The following BBS4 variants were observed in gnomAD, a reference collection of about 807,000 sequenced individuals.
BBS4 encodes the protein BBSome complex member BBS4.
BBS4 carries 58 observed loss-of-function variants against 71.4 expected under a neutral mutation model. The observed-to-expected ratio is 0.81, with a 90% confidence interval of 0.66 to 1.01. The LOEUF (loss-of-function observed/expected upper bound fraction) is 1.01. BBS4 is among the 50% of genes least tolerant of loss of function. The pLI is 0.00. For missense variants in BBS4, 660 were observed against 607.9 expected, an observed-to-expected ratio of 1.09 and a Z score of -0.90; for synonymous variants, 228 against 216.8, an observed-to-expected ratio of 1.05 and a Z score of -0.46.
intron 1 of BBS4, among the ~76,000 whole-genome samples, chr15:72,694,337 C>T (rs953151267): frequency 3.3e-5 from 5 of 151,946 alleles, no homozygotes; most frequent in African/African-American, 1.2e-4. Flanking sequence ...ACTATAGGCA[C>T]GTGCCACCAT....
intron 6 of BBS4, 198 bp downstream of exon 6, chr15:72,717,048 C>G: frequency 1.7e-6 from 1 of 589,358 alleles, no homozygotes; most frequent in South Asian, 2.0e-5. Context: ...GCATGATTTT[C>G]TAGCAGTTTG....
intron 1 of BBS4, among the ~76,000 whole-genome samples, chr15:72,690,255 A>G (rs1046939479): frequency 2.6e-4 from 39 of 152,222 alleles, no homozygotes; most frequent in African/African-American, 9.2e-4. Context: ...GTGCCTATGT[A>G]TCAGGTGCTC....
At position 72,737,735 on chromosome 15, in the gene BBS4, T is replaced by C; in HGVS notation, c.*148T>C. On this transcript the variant is annotated 3_prime_UTR_variant, in exon 16 of 16. Transcript: ENST00000268057. Reference sequence around the variant, plus strand: ...GAGGAGCCAGCAGTTGAGCCTAAGGTCCTTCTACCTACCTGGTATTGGCAT... The same window carrying C: ...GAGGAGCCAGCAGTTGAGCCTAAGGCCCTTCTACCTACCTGGTATTGGCAT... 1 of 700,534 alleles carries C rather than the reference T, an allele frequency of 1.4e-6. No homozygotes were observed. The highest frequency in any genetic ancestry group is 2.5e-6 in the Non-Finnish European group (1 of 395,020). 43.4% of individuals were successfully genotyped at this position (700,534 alleles called of 1,614,324 possible). A position where few individuals can be genotyped will look rare whatever the true frequency, so the allele number is the denominator to read the frequency against.
intron 6 of BBS4, among the ~76,000 whole-genome samples, chr15:72,717,861 CGG>C (rs34400686): frequency 2.0e-5 from 3 of 151,996 alleles, no homozygotes. Context: ...GTGTGTGGTG[CGG>C]GGGGGTACAG....
rs12898814 is a variant in BBS4 at position 72,738,195 on chromosome 15, G to C, written c.*608G>C. On this transcript the variant is annotated 3_prime_UTR_variant, in exon 16 of 16. Transcript: ENST00000268057. ...CAGAACAAGTCCCTCCCTGTATTTT[G>C]TTCTTGAGAGGGGTCAGTCTAGAAG... 134 of 451,342 alleles carry C rather than the reference G, an allele frequency of 3.0e-4. No individual in the cohort carries two copies. The highest frequency in any genetic ancestry group is 1.7e-3 in the South Asian group (112 of 64,018). The allele number at this position is 451,342 out of a possible 1,614,324, so 28.0% of individuals were successfully genotyped here.
chr15:72,707,505 C>T (rs2065286343), intron 2 of BBS4, among the ~76,000 whole-genome samples: 1 of 152,084 alleles, frequency 6.6e-6, no homozygotes, highest in Admixed American at 6.5e-5. Context: ...AAAGGACTGT[C>T]TCCAACATAT....
At chr15:72,704,372 A>C in intron 2 of BBS4, 1 of 1,082,600 alleles carries the variant, frequency 9.2e-7, no homozygotes, top group Non-Finnish European at 1.2e-6. Flanking sequence ...TTCAACTAGT[A>C]ATTCTCATAA....
chr15:72,712,193 C>T (rs775779129), intron 3 of BBS4, 51 bp from the exon 4 acceptor site: 1 of 1,553,118 alleles, frequency 6.4e-7, no homozygotes, highest in Non-Finnish European at 8.9e-7. Context: ...TTCTTAAAGA[C>T]ACCTGAAGAA....
chr15:72,691,227 C>G (rs759028166), intron 1 of BBS4, among the ~76,000 whole-genome samples: 18 of 152,128 alleles, frequency 1.2e-4, no homozygotes, highest in Non-Finnish European at 1.8e-4. Context: ...AGCAATTGGC[C>G]TGCCTCACAT....
chr15:72,697,996 C>CT, intron 2 of BBS4: 1 of 455,934 alleles, frequency 2.2e-6, no homozygotes. Flanking sequence ...CCTTAGGTGA[C>CT]TTTCTTCTGG....
Position 72,712,265 on chromosome 15 carries a change from C to G in BBS4, c.178C>G (p.Gln60Glu). The change falls in exon 4 of 16, where the codon CAA (glutamine) becomes GAA (glutamate). Residue 60 changes from glutamine (Q) to glutamate (E), a missense_variant. Gln to Glu is a conservative substitution (Grantham distance 29). Coordinates refer to ENST00000268057, the MANE Select transcript of BBS4 (RefSeq NM_033028.5). ...ACKAVIKEQLQETQGLCEYAI... is the reference protein window; with the variant it reads ...ACKAVIKEQLEETQGLCEYAI... ...TCAGGCTGTTATCAAAGAACAGCTT[C>G]AAGAGACTCAGGGATTGTGTGAATA... 3 of 1,614,064 alleles carry G rather than the reference C, an allele frequency of 1.9e-6. No individual in the cohort carries two copies. Among genetic ancestry groups the G allele is most frequent in the East Asian group, 4.5e-5 (2 of 44,882 alleles).
chr15:72,705,021 A>G (rs893025148), intron 2 of BBS4, among the ~76,000 whole-genome samples: 1 of 152,220 alleles, frequency 6.6e-6, no homozygotes, highest in Admixed American at 6.5e-5. Context: ...ATACAACTCT[A>G]TGAGAATGAG....
chr15:72,701,786 A>G (rs143325799), intron 2 of BBS4, among the ~76,000 whole-genome samples: 1 of 152,268 alleles, frequency 6.6e-6, no homozygotes, highest in East Asian at 1.9e-4. Flanking sequence ...AAGTCTTCCT[A>G]CTTTGATATA....
chr15:72,712,407 T>C (rs1260436122), intron 4 of BBS4, 100 bp downstream of exon 4: 14 of 1,107,128 alleles, frequency 1.3e-5, no homozygotes, highest in East Asian at 1.2e-4. Context: ...AGTACAGTCA[T>C]GCACCACTTA....
chr15:72,728,126 C>G, intron 9 of BBS4, 132 bp downstream of exon 9: 1 of 677,832 alleles, frequency 1.5e-6, no homozygotes, highest in Non-Finnish European at 2.7e-6. Context: ...TACACTCTCT[C>G]TATTCGATAC....
chr15:72,706,744 C>G (rs796501032), intron 2 of BBS4, among the ~76,000 whole-genome samples: 87 of 152,282 alleles, frequency 5.7e-4, no homozygotes, highest in African/African-American at 2.0e-3. Flanking sequence ...CATGTAAAGT[C>G]ATATCCATAC....
At chr15:72,709,865 T>C in intron 3 of BBS4, 86 bp downstream of exon 3, 1 of 1,080,182 alleles carries the variant, frequency 9.3e-7, no homozygotes, top group East Asian at 2.4e-5. Context: ...TGTGGCAGTT[T>C]ATATCTCAGT....
intron 2 of BBS4, among the ~76,000 whole-genome samples, chr15:72,703,126 G>T (rs563301409): frequency 6.6e-6 from 1 of 152,254 alleles, no homozygotes; most frequent in Non-Finnish European, 1.5e-5. Flanking sequence ...GCTGACTCTT[G>T]CAGCCTCCTT....
chr15:72,713,949 A>G (rs1291079043), intron 4 of BBS4, among the ~76,000 whole-genome samples: 1 of 152,186 alleles, frequency 6.6e-6, no homozygotes, highest in East Asian at 1.9e-4. Context: ...AATGACTAGT[A>G]ATGTTAAAAA....
Sources: gnomAD v4.1 joint callset for allele counts (sites outside exome capture counted in the v4.1 genomes callset) on GRCh38, gnomAD v4.1.1 for gene constraint, MANE v1.5 for transcripts, NCBI Gene and HGNC (gene_info 2026-07-23, HGNC 2026-07-21) for gene names.